ACTA2: variants seen among roughly 807,000 people sequenced by gnomAD.
ACTA2 encodes the protein actin alpha 2, smooth muscle.
A neutral mutation model predicts 39.5 loss-of-function variants in ACTA2; 12 were observed. The observed-to-expected ratio is 0.30, with a 90% CI of 0.19 to 0.49. ACTA2 has a LOEUF of 0.49. Ranked by LOEUF, ACTA2 falls within the 20% of genes least tolerant of loss-of-function variation. The pLI is 0.99. For synonymous variants in ACTA2, 158 were observed against 180.6 expected, an observed-to-expected ratio of 0.88 and a Z score of 1.00; for missense variants, 236 against 498.8, an observed-to-expected ratio of 0.47 and a Z score of 5.02.
chr10:88,945,462 C>T (rs1845928802), intron 3 of ACTA2, among the ~76,000 whole-genome samples: 1 of 152,148 alleles, frequency 6.6e-6, no homozygotes. Flanking sequence ...GGCCAGATAT[C>T]GTGATTCTGA....
intron 1 of ACTA2, among the ~76,000 whole-genome samples, chr10:88,962,959 ATATATATATATATATAT>A (rs1846257903): frequency 2.9e-5 from 1 of 34,102 alleles, no homozygotes; most frequent in African/African-American, 2.4e-4. Context: ...ATATATATAT[ATATATATATATATATAT>A]AATATTTTTT....
chr10:88,939,844 G>T, intron 6 of ACTA2, 146 bp from the exon 7 acceptor site: 1 of 839,370 alleles, frequency 1.2e-6, no homozygotes. Context: ...AATCCACAAT[G>T]ATAATGACGT....
At chr10:88,935,656 GC>G (rs1845723659) in intron 8 of ACTA2, 3 of 373,740 alleles carry the variant, frequency 8.0e-6, no homozygotes, top group East Asian at 6.3e-5. Context: ...TCCAGCCATG[GC>G]CCCCACTTAA....
intron 1 of ACTA2, among the ~76,000 whole-genome samples, chr10:88,980,152 T>A (rs1333348173): frequency 6.6e-6 from 1 of 152,020 alleles, no homozygotes; most frequent in Non-Finnish European, 1.5e-5. Flanking sequence ...AGAAATGAAA[T>A]AGTTCAGTTT....
In ACTA2 at chr10:88,977,758, G is replaced by A. The variant is rs1187863070; in HGVS notation, c.-24+13181C>T. On this transcript the variant is annotated intron_variant, in intron 1 of 4. Coordinates refer to the ACTA2 transcript ENST00000415557. The stretch of plus-strand genomic sequence containing the variant: ...AAAAAGTCAGGAAACAACAGGTGCT[G>A]GAGAGGATGTGGAGAAATAGGAACA... Among the ~76,000 whole-genome samples, 10 of 139,682 alleles carry A rather than the reference G, an allele frequency of 7.2e-5. No individual in the cohort carries two copies. In the East Asian group the frequency reaches 2.1e-3, roughly 29 times the overall value. 91.6% of individuals were successfully genotyped at this position (139,682 alleles called of 152,430 possible).
upstream of ACTA2, among the ~76,000 whole-genome samples, chr10:88,955,493 C>A (rs1846123075): frequency 6.6e-6 from 1 of 152,196 alleles, no homozygotes. Flanking sequence ...CCTAAGATAG[C>A]CCATGAAGAC....
At chr10:88,947,154 G>T in intron 3 of ACTA2, 104 bp downstream of exon 3, 1 of 1,483,064 alleles carries the variant, frequency 6.7e-7, no homozygotes, top group Non-Finnish European at 9.3e-7. Context: ...GTACAGTTGA[G>T]CAATGTGAGC....
chr10:88,941,159 T>C lies in ACTA2; in HGVS notation c.616+70A>G, dbSNP rs1589393822. The C allele has an allele frequency of 2.5e-6, 4 of 1,586,580 alleles. No individual in the cohort carries two copies. The African/African-American group carries it at 5.4e-5, about 21-fold the overall frequency. On this transcript the variant is annotated intron_variant, in intron 6 of 8. Coordinates refer to ENST00000224784, the MANE Select transcript of ACTA2 (RefSeq NM_001613.4). ...TTCATCCCATCATCTCCTTGGATAGTGAGGATGGTCCTGGAAGTTACTGAG... is the reference window on the plus strand; with the variant it reads ...TTCATCCCATCATCTCCTTGGATAGCGAGGATGGTCCTGGAAGTTACTGAG...
chr10:88,942,616 G>A (rs1010206630), intron 4 of ACTA2, among the ~76,000 whole-genome samples: 1 of 152,116 alleles, frequency 6.6e-6, no homozygotes, highest in Non-Finnish European at 1.5e-5. Flanking sequence ...GCCCCTCCAG[G>A]TCACTTGTGA....
chr10:88,960,437 T>C (rs561795529), intron 1 of ACTA2, among the ~76,000 whole-genome samples: 7 of 152,114 alleles, frequency 4.6e-5, no homozygotes, highest in South Asian at 4.2e-4. Context: ...CGCAAAACAG[T>C]GAATAAACAT....
chr10:88,974,004 G>T (rs111386478), intron 1 of ACTA2: 13,690 of 152,244 alleles, frequency 0.09, 788 homozygotes, highest in Non-Finnish European at 0.13. Context: ...GTTTTACCCT[G>T]TTGGCCAGGG....
chr10:88,973,316 G>GAGATCTC (rs1328379934), intron 1 of ACTA2: 1 of 1,573,578 alleles, frequency 6.4e-7, no homozygotes. Flanking sequence ...AGCTCTGAGA[G>GAGATCTC]AGACAAGAAG....
In ACTA2 at chr10:88,990,382, C is replaced by A; in HGVS notation, c.-24+557G>T. The A allele has an allele frequency of 2.3e-6, 1 of 425,650 alleles. No homozygotes were observed. The highest frequency in any genetic ancestry group is 4.5e-6 in the Non-Finnish European group (1 of 223,216). 26.4% of individuals were successfully genotyped at this position (425,650 alleles called of 1,614,324 possible). Reference sequence around the variant, plus strand: ...CTCCCCAACTTCCCAGGTTGAACTACAGCAGAAGCCTTTAGAAAGGGCAGG... The same window carrying A: ...CTCCCCAACTTCCCAGGTTGAACTAAAGCAGAAGCCTTTAGAAAGGGCAGG... On this transcript the variant is annotated intron_variant, in intron 1 of 4. Coordinates refer to the ACTA2 transcript ENST00000415557. This position sits in a 1 kb window ranked among gnomAD's most constrained non-coding sequence, Gnocchi z 4.9.
chr10:88,977,098 T>C (rs1846581489), intron 1 of ACTA2, among the ~76,000 whole-genome samples: 2 of 152,186 alleles, frequency 1.3e-5, no homozygotes, highest in Non-Finnish European at 2.9e-5. Flanking sequence ...GATAATTTTC[T>C]CCCATTTTGT....
chr10:88,953,866 T>C (rs1214574032), upstream of ACTA2, among the ~76,000 whole-genome samples: 3 of 152,194 alleles, frequency 2.0e-5, no homozygotes, highest in African/African-American at 7.2e-5. Flanking sequence ...CCTTTTGCCA[T>C]GAGTTTAAGT....
intron 1 of ACTA2, chr10:88,973,211 T>A: frequency 6.2e-7 from 1 of 1,612,574 alleles, no homozygotes; most frequent in Non-Finnish European, 8.5e-7. Flanking sequence ...GGATAATTTC[T>A]GGCACTGCTT....
chr10:88,990,887 T>A lies in ACTA2; in HGVS notation c.-24+52A>T. The stretch of plus-strand genomic sequence containing the variant: ...GATTGCTCAACAACCATGCTGGGCA[T>A]CTGGACCCTCCTACCTCTGGTGAGC... On this transcript the variant is annotated intron_variant, in intron 1 of 4. Transcript: ENST00000415557. The surrounding 1 kb of genome is among the most constrained non-coding windows in gnomAD (Gnocchi z 4.9). 6.2e-7 allele frequency: 1 copy of A among 1,614,206 alleles called. No homozygotes were observed. The highest frequency in any genetic ancestry group is 1.3e-5 in the African/African-American group (1 of 75,066).
intron 1 of ACTA2, among the ~76,000 whole-genome samples, chr10:88,975,779 AC>A (rs1846548689): frequency 6.6e-6 from 1 of 152,206 alleles, no homozygotes; most frequent in South Asian, 2.1e-4. Context: ...GCAGGAGGTG[AC>A]TTGGTGACTT....
intron 4 of ACTA2, 66 bp downstream of exon 4, chr10:88,943,731 A>T (rs1384051115): frequency 1.5e-6 from 2 of 1,363,310 alleles, no homozygotes; most frequent in Non-Finnish European, 2.1e-6. Context: ...GCTGTGCTGC[A>T]TAGCCTCCTT....
Sources: allele counts gnomAD v4.1 joint callset (sites outside exome capture counted in the v4.1 genomes callset), GRCh38; gene constraint gnomAD v4.1.1; non-coding constraint Gnocchi (gnomAD v3.1); transcripts MANE v1.5; gene names NCBI Gene and HGNC (gene_info 2026-07-23, HGNC 2026-07-21).